Variants in CCDC33 observed in about 807,000 individuals in gnomAD.
CCDC33 encodes the protein coiled-coil domain containing 33.
Under a neutral mutation model 91.9 loss-of-function variants are expected in CCDC33, and 94 were observed. The observed-to-expected ratio is 1.02, with a 90% confidence interval of 0.87 to 1.21. The LOEUF (loss-of-function observed/expected upper bound fraction) is 1.21, where lower values mean the gene tolerates loss of function less well. Among genes scored for constraint, CCDC33 ranks in the 50% most tolerant of loss-of-function variants. The pLI is 0.00. For missense variants in CCDC33, 940 were observed against 935.5 expected (o/e 1.00, Z -0.06); for synonymous variants, 396 against 374.5 (o/e 1.06, Z -0.66).
Position 74,280,792 on chromosome 15 carries a change from C to T in CCDC33, c.1014C>T (p.Leu338=). Residue 338 remains leucine (L), a synonymous_variant, in exon 9 of 19, where the codon CTC becomes CTT. Coordinates refer to ENST00000398814, the MANE Select transcript of CCDC33 (RefSeq NM_025055.5). ...TGGACGGGCTTCACGTGGAGCGGCT[C>T]CCCATCATGGTGAGCCCCCTGCCCT... ...KGLDGLHVER[L]PIMDTSLKTI... is the part of the protein sequence containing the mutation. 6.5e-7 allele frequency: 1 copy of T among 1,532,254 alleles called. No homozygotes were observed. Among genetic ancestry groups the T allele is most frequent in the Non-Finnish European group, 8.8e-7 (1 of 1,139,050 alleles). 94.9% of individuals were successfully genotyped at this position (1,532,254 alleles called of 1,614,324 possible). A position where few individuals can be genotyped will look rare whatever the true frequency, so the allele number is the denominator to read the frequency against.
upstream of CCDC33, among the ~76,000 whole-genome samples, chr15:74,235,987 C>T (rs567096691): frequency 6.6e-6 from 1 of 152,248 alleles, no homozygotes; most frequent in Admixed American, 6.5e-5. Context: ...ACTATAGGTA[C>T]CCAAAGAGGC....
rs560591607 is a variant in CCDC33 at position 74,263,483 on chromosome 15, A to T, written c.319+910A>T. 2.6e-4 allele frequency among the ~76,000 whole-genome samples: 40 copies of T among 152,324 alleles called. 1 individual carries two copies. The South Asian group carries it at 7.7e-3, about 29-fold the overall frequency. ...ACACAGAGCAGAAAGCCAGCTGAAGACTATGGGAGAGGAGAAAGGAAACAG... is the reference window on the plus strand; with the variant it reads ...ACACAGAGCAGAAAGCCAGCTGAAGTCTATGGGAGAGGAGAAAGGAAACAG... On this transcript the variant is annotated intron_variant, in intron 3 of 18. Transcript: ENST00000398814.
intron 2 of CCDC33, among the ~76,000 whole-genome samples, chr15:74,245,394 C>CAT (rs2075490877): frequency 6.6e-6 from 1 of 152,246 alleles, no homozygotes; most frequent in Non-Finnish European, 1.5e-5. Context: ...TCGGCCATCC[C>CAT]TCCCCCAACT....
Position 74,331,087 on chromosome 15 carries a change from A to G in CCDC33, c.1652A>G (p.Glu551Gly). ...AAGCTGCAGAAGATGAAGGCGCTGGAGGAGACTGTGCGGCACCAAGAGAAG... is the reference window on the plus strand; with the variant it reads ...AAGCTGCAGAAGATGAAGGCGCTGGGGGAGACTGTGCGGCACCAAGAGAAG... The part of the protein sequence containing the change: ...QGKLQKMKAL[E>G]ETVRHQEKVI... Residue 551 changes from glutamate to glycine, a missense_variant, in exon 14 of 19, where the codon GAG (glutamate) becomes GGG (glycine). Physicochemically the swap from Glu to Gly is moderately conservative, Grantham distance 98 (BLOSUM62 -2). Coordinates refer to ENST00000398814, the MANE Select transcript of CCDC33 (RefSeq NM_025055.5). 1 of 1,613,640 alleles carries G rather than the reference A, an allele frequency of 6.2e-7. No individual in the cohort carries two copies. Among genetic ancestry groups the G allele is most frequent in the South Asian group, 1.1e-5 (1 of 90,990 alleles).
chr15:74,319,798 C>T (rs1346279541), intron 11 of CCDC33: 1 of 152,304 alleles, frequency 6.6e-6, no homozygotes, highest in Non-Finnish European at 1.5e-5. Context: ...CACCTGGCTC[C>T]TGCAGGGGCC....
rs1322414179 is a variant in CCDC33 at position 74,218,488 on chromosome 15, C to T, written c.311-9C>T. ...AGACCATCTCTGAGCCCTGTGTTCC[C>T]TCATCCAGGTTTCTGCAAGAATGAC... On this transcript the variant is annotated splice_polypyrimidine_tract_variant and intron_variant, in intron 1 of 2. Coordinates refer to the CCDC33 transcript ENST00000635913. This position sits in a 1 kb window ranked among gnomAD's most constrained non-coding sequence, Gnocchi z 4.8. 1 of 1,274,110 alleles carries T rather than the reference C, an allele frequency of 7.8e-7. No homozygotes were observed. Among genetic ancestry groups the T allele is most frequent in the Admixed American group, 2.3e-5 (1 of 42,822 alleles). The allele number at this position is 1,274,110 out of a possible 1,614,324, so 78.9% of individuals were successfully genotyped here. A position where few individuals can be genotyped will look rare whatever the true frequency, so the allele number is the denominator to read the frequency against.
chr15:74,276,247 G>A (rs1323478541), intron 7 of CCDC33, among the ~76,000 whole-genome samples: 2 of 152,244 alleles, frequency 1.3e-5, no homozygotes, highest in Non-Finnish European at 2.9e-5. Context: ...TGGTGATGAT[G>A]GCAAAGGCTG....
intron 10 of CCDC33, 126 bp from the exon 11 acceptor site, chr15:74,295,628 G>A (rs542287844): frequency 2.6e-5 from 19 of 743,922 alleles, no homozygotes; most frequent in African/African-American, 1.1e-4. Context: ...AGGTGTGCAC[G>A]GGCCAGCCAT....
intron 10 of CCDC33, among the ~76,000 whole-genome samples, chr15:74,285,407 C>T (rs1056794415): frequency 2.6e-5 from 4 of 152,182 alleles, no homozygotes; most frequent in African/African-American, 9.7e-5. Flanking sequence ...CCTGGCAGCA[C>T]GTGGTCATCC....
chr15:74,209,272 C>T (rs889892518), intron 1 of CCDC33: 13 of 1,257,064 alleles, frequency 1.0e-5, no homozygotes, highest in Admixed American at 4.0e-5. Flanking sequence ...CCCTCAGAGT[C>T]ACCTCAGTGG....
rs940061748 is a variant in CCDC33, at chr15:74,217,721, T to C, written c.310+140T>C. On this transcript the variant is annotated intron_variant, in intron 1 of 2. Transcript: ENST00000635913. Reference sequence around the variant, plus strand: ...AGACTGCATCCCAAAGCTCTGCCGGTGTGACCTTGGGCAAATTCTGGGCCT... The same window carrying C: ...AGACTGCATCCCAAAGCTCTGCCGGCGTGACCTTGGGCAAATTCTGGGCCT... 9 of 667,958 alleles carry C rather than the reference T, an allele frequency of 1.3e-5. No homozygotes were observed. The African/African-American group carries it at 1.7e-4, about 13-fold the overall frequency. The allele number at this position is 667,958 out of a possible 1,614,324, so 41.4% of individuals were successfully genotyped here. A position where few individuals can be genotyped will look rare whatever the true frequency, so the allele number is the denominator to read the frequency against.
intron 2 of CCDC33, among the ~76,000 whole-genome samples, chr15:74,256,054 G>T (rs1163853344): frequency 1.3e-5 from 2 of 152,226 alleles, no homozygotes; most frequent in African/African-American, 4.8e-5. Flanking sequence ...CTCCAGCAGC[G>T]ACAAGACAGG....
Position 74,332,857 on chromosome 15 carries a change from T to C in CCDC33, c.1938+12T>C. 6.2e-7 allele frequency: 1 copy of C among 1,612,776 alleles called. No homozygotes were observed. The highest frequency in any genetic ancestry group is 8.5e-7 in the Non-Finnish European group (1 of 1,179,296). ...AACAGGCCCTGCCGGTAAGAGGCCC[T>C]TGACCTGGGCCTGCCTATGCCGGTC... On this transcript the variant is annotated intron_variant, in intron 16 of 18. Coordinates refer to ENST00000398814, the MANE Select transcript of CCDC33 (RefSeq NM_025055.5).
Position 74,279,965 on chromosome 15 carries a change from G to A in CCDC33, c.762G>A (p.Leu254=), listed in dbSNP as rs1024059861. The change falls in exon 8 of 19, where the codon CTG becomes CTA. Residue 254 remains leucine (L), a splice_region_variant and synonymous_variant. Transcript: ENST00000398814. ...CTGCTCCTACCCTCTCCCTCCAGCT[G>A]TCCAAGCCTGGGGGACCCCCAGAGC... ...PRVSQNGCPQ[L]SKPGGPPEQP... The A allele has an allele frequency of 6.2e-7, 1 of 1,613,898 alleles. No individual in the cohort carries two copies. The highest frequency in any genetic ancestry group is 1.7e-5 in the Admixed American group (1 of 60,002).
chr15:74,250,618 C>T lies in CCDC33; in HGVS notation c.185+6470C>T, dbSNP rs542623101. ...CTTATGCACTTTATGTGATTATGTG[C>T]GTACTCTTTGCCAGTGCCTCCCCAT... is the stretch of plus-strand genomic sequence containing the variant. On this transcript the variant is annotated intron_variant, in intron 2 of 18. Transcript: ENST00000398814. Among the ~76,000 whole-genome samples the T allele has an allele frequency of 3.7e-4, 56 of 152,286 alleles. 1 individual carries two copies. The highest frequency in any genetic ancestry group is 6.8e-3 in the Middle Eastern group (2 of 294).
chr15:74,221,216 GTTTTTTTTTTTT>G, intron 2 of CCDC33: 20 of 676,450 alleles, frequency 3.0e-5, no homozygotes, highest in East Asian at 2.5e-4. Context: ...TGTGGCACTG[GTTTTTTTTTTTT>G]TTTTTTTTTT....
intron 6 of CCDC33, 90 bp from the exon 7 acceptor site, chr15:74,272,681 G>A (rs2076350127): frequency 6.6e-7 from 1 of 1,522,858 alleles, no homozygotes; most frequent in Admixed American, 1.9e-5. Context: ...CCCTTCTCTT[G>A]CATCAACCCA....
chr15:74,231,152 C>T (rs754147926), intron 2 of CCDC33, among the ~76,000 whole-genome samples: 3 of 152,216 alleles, frequency 2.0e-5, no homozygotes, highest in African/African-American at 4.8e-5. Context: ...CCCCCAGAGC[C>T]TCCAGGATCC....
chr15:74,228,177 C>T lies in CCDC33; in HGVS notation c.675+9316C>T, dbSNP rs374517423. Among the ~76,000 whole-genome samples the T allele has an allele frequency of 3.9e-5, 6 of 152,184 alleles. No homozygotes were observed. The East Asian group carries it at 9.6e-4, about 24-fold the overall frequency. On this transcript the variant is annotated intron_variant, in intron 2 of 2. Coordinates refer to the CCDC33 transcript ENST00000635913. ...GTATAGAAGGGGAAGCAGCTGGACC[C>T]ACCTTGTGGAGGCTGAAGGCGCAGT...
Sources: gnomAD v4.1 joint callset for allele counts (sites outside exome capture counted in the v4.1 genomes callset) on GRCh38, gnomAD v4.1.1 for gene constraint, Gnocchi (gnomAD v3.1) non-coding constraint, MANE v1.5 for transcripts, NCBI Gene and HGNC (gene_info 2026-07-23, HGNC 2026-07-21) for gene names.